Variants in ABCC11 observed in about 807,000 individuals in gnomAD.
ABCC11 encodes ATP-binding cassette sub-family C member 11.
In ABCC11, 135 loss-of-function variants were observed where a neutral mutation model predicts 149.3. That is an observed-to-expected ratio of 0.90 (90% CI 0.79 to 1.04). ABCC11 has a LOEUF of 1.04. Ranked by LOEUF, ABCC11 falls within the 50% of genes least tolerant of loss-of-function variation. ABCC11 has a pLI of 0.00. For missense variants in ABCC11, 1,680 were observed against 1,722.1 expected, an observed-to-expected ratio of 0.98 and a Z score of 0.43; for synonymous variants, 665 against 671.4, an observed-to-expected ratio of 0.99 and a Z score of 0.15.
intron 26 of ABCC11, among the ~76,000 whole-genome samples, chr16:48,171,743 C>T (rs548308054): frequency 1.1e-4 from 17 of 152,148 alleles, no homozygotes; most frequent in Non-Finnish European, 2.1e-4. Flanking sequence ...GTGGGCAGAA[C>T]ACTTGAGGTC....
Position 48,170,145 on chromosome 16 carries a change from T to C in ABCC11, c.3851A>G (p.Gln1284Arg). 1 of 1,614,154 alleles carries C rather than the reference T, an allele frequency of 6.2e-7. No individual in the cohort carries two copies. Among genetic ancestry groups the C allele is most frequent in the Non-Finnish European group, 8.5e-7 (1 of 1,179,992 alleles). The change falls in exon 28 of 30, where the codon CAG (glutamine) becomes CGG (arginine). Residue 1284 changes from glutamine to arginine, a missense_variant. Coordinates refer to ENST00000356608, the MANE Select transcript of ABCC11 (RefSeq NM_001370497.1). ...CACAGCCCTGGCAATGCAGAGCAGCTGCCTCTCCCCCACAGAGAAGTTTCC... is the reference window on the plus strand; with the variant it reads ...CACAGCCCTGGCAATGCAGAGCAGCCGCCTCTCCCCCACAGAGAAGTTTCC... The part of the protein sequence containing the change: ...NGGNFSVGER[Q>R]LLCIARAVLR...
chr16:48,219,561 C>T (rs1969593523), intron 6 of ABCC11, among the ~76,000 whole-genome samples: 1 of 152,128 alleles, frequency 6.6e-6, no homozygotes, highest in South Asian at 2.1e-4. Context: ...CCTAAGGCAA[C>T]TTCTATACTA....
intron 24 of ABCC11, 136 bp from the exon 25 acceptor site, chr16:48,177,249 G>A: frequency 1.2e-6 from 1 of 860,314 alleles, no homozygotes; most frequent in Non-Finnish European, 1.7e-6. Context: ...GCCCCCTGCT[G>A]TGTAATCAGA....
chr16:48,177,213 C>T, intron 24 of ABCC11, 100 bp from the exon 25 acceptor site: 2 of 1,237,432 alleles, frequency 1.6e-6, no homozygotes, highest in Non-Finnish European at 2.2e-6. Context: ...TGTGACCCAC[C>T]CCAGCCTGCC....
chr16:48,210,207 T>C (rs1279879138), intron 11 of ABCC11: 1 of 152,170 alleles, frequency 6.6e-6, no homozygotes. Context: ...AAATGCTTGA[T>C]GGACATTTAA....
chr16:48,244,315 T>C, intron 1 of ABCC11: 1 of 1,160,584 alleles, frequency 8.6e-7, no homozygotes, highest in South Asian at 1.6e-5. Flanking sequence ...TGAGGTTTGG[T>C]GACTGCGGGG....
intron 1 of ABCC11, among the ~76,000 whole-genome samples, chr16:48,246,681 C>T (rs1014492532): frequency 1.3e-5 from 2 of 152,124 alleles, no homozygotes; most frequent in African/African-American, 4.8e-5. Flanking sequence ...CTCAAGTGAT[C>T]GTCCTGCCTC....
intron 18 of ABCC11, 109 bp downstream of exon 18, chr16:48,196,123 G>C: frequency 1.9e-6 from 2 of 1,077,190 alleles, no homozygotes; most frequent in Non-Finnish European, 1.3e-6. Flanking sequence ...AAATACCATG[G>C]CTCCTCTGGA....
At chr16:48,176,515 C>G (rs1303431751) in intron 25 of ABCC11, among the ~76,000 whole-genome samples, 1 of 152,038 alleles carries the variant, frequency 6.6e-6, no homozygotes, top group African/African-American at 2.4e-5. Context: ...TAACTCCTAG[C>G]CTGCTCTTCA....
intron 26 of ABCC11, among the ~76,000 whole-genome samples, chr16:48,172,100 GCCTATTCCAGCTA>G (rs1425771810): frequency 1.3e-5 from 2 of 152,124 alleles, no homozygotes; most frequent in South Asian, 4.1e-4. Flanking sequence ...ATATGGATTT[GCCTATTCCAGCTA>G]CCTCATATAA....
At chr16:48,238,886 G>A (rs1437943798) in intron 1 of ABCC11, among the ~76,000 whole-genome samples, 2 of 132,174 alleles carry the variant, frequency 1.5e-5, no homozygotes, top group Non-Finnish European at 3.1e-5. Context: ...GCAGTGAGCC[G>A]AGATCTCGCC....
chr16:48,246,626 A>G (rs1971402382), intron 1 of ABCC11, among the ~76,000 whole-genome samples: 1 of 152,156 alleles, frequency 6.6e-6, no homozygotes, highest in Non-Finnish European at 1.5e-5. Flanking sequence ...GCTGAAGTGC[A>G]GTGGCGTGAT....
At chr16:48,239,566 A>C (rs1442304762) in intron 1 of ABCC11, among the ~76,000 whole-genome samples, 1 of 149,060 alleles carries the variant, frequency 6.7e-6, no homozygotes, top group Admixed American at 6.6e-5. Flanking sequence ...TGTCACAAAA[A>C]AAAAAAAAAA....
chr16:48,208,531 A>C, intron 11 of ABCC11, 35 bp from the exon 12 acceptor site: 1 of 1,612,260 alleles, frequency 6.2e-7, no homozygotes, highest in Non-Finnish European at 8.5e-7. Context: ...GTGTTGGGAC[A>C]GCATAGCCCT....
chr16:48,212,851 A>G (rs1159997588), intron 10 of ABCC11, among the ~76,000 whole-genome samples: 1 of 152,234 alleles, frequency 6.6e-6, no homozygotes, highest in African/African-American at 2.4e-5. Context: ...TCAAACTCAG[A>G]TGCCAGCTAT....
intron 1 of ABCC11, chr16:48,232,161 T>A: frequency 8.8e-7 from 1 of 1,140,568 alleles, no homozygotes; most frequent in Non-Finnish European, 1.1e-6. Flanking sequence ...TGAAACCTTC[T>A]CTAACCACCC....
At chr16:48,215,579 C>T (rs567517556) in intron 7 of ABCC11, among the ~76,000 whole-genome samples, 320 of 152,348 alleles carry the variant, frequency 2.1e-3, no homozygotes, top group Non-Finnish European at 3.9e-3. Context: ...GTTCCTCTGT[C>T]TTCTGGAACC....
chr16:48,232,893 A>G (rs1333580372), intron 1 of ABCC11, among the ~76,000 whole-genome samples: 1 of 152,222 alleles, frequency 6.6e-6, no homozygotes, highest in African/African-American at 2.4e-5. Flanking sequence ...GTGTTCAGAT[A>G]TAGCTTTTAC....
At chr16:48,216,005 G>A in intron 7 of ABCC11, 109 bp downstream of exon 7, 2 of 1,206,472 alleles carry the variant, frequency 1.7e-6, no homozygotes, top group Middle Eastern at 2.3e-4. Flanking sequence ...AACCACAATG[G>A]ATTGAAAGGT....
Sources: gnomAD v4.1 joint callset for allele counts (sites outside exome capture counted in the v4.1 genomes callset) on GRCh38, gnomAD v4.1.1 for gene constraint, MANE v1.5 for transcripts, NCBI Gene and HGNC (gene_info 2026-07-23, HGNC 2026-07-21) for gene names.